Variants in DIP2C observed in about 807,000 individuals in gnomAD.
DIP2C encodes the protein DIP2 acetate--CoA ligase C (putative), also known as disco-interacting protein 2 homolog C.
A neutral mutation model predicts 192.4 loss-of-function variants in DIP2C; 33 were observed. The ratio of observed to expected loss-of-function variants is 0.17; its 90% confidence interval spans 0.13 to 0.23. The LOEUF (loss-of-function observed/expected upper bound fraction) is 0.23. Among genes scored for constraint, DIP2C ranks in the 10% least tolerant of loss-of-function variants. DIP2C has a pLI of 1.00. For missense variants in DIP2C, 1,537 were observed against 2,110.1 expected, an observed-to-expected ratio of 0.73 and a Z score of 5.32; for synonymous variants, 979 against 864.1, an observed-to-expected ratio of 1.13 and a Z score of -2.33.
At chr10:326,573 G>C (rs1203395957) in intron 31 of DIP2C, among the ~76,000 whole-genome samples, 1 of 152,204 alleles carries the variant, frequency 6.6e-6, no homozygotes, top group Non-Finnish European at 1.5e-5. Context: ...CCAGAAGTGC[G>C]GCTTTGCGGT....
At chr10:534,838 G>A (rs994274284) in intron 1 of DIP2C, among the ~76,000 whole-genome samples, 6 of 151,688 alleles carry the variant, frequency 4.0e-5, no homozygotes, top group Non-Finnish European at 8.8e-5. Flanking sequence ...CACCGCGCCC[G>A]GCTAATTTTT....
rs1554847955 is a variant in DIP2C, at chr10:414,739, G to GTATATATATA, written c.860-630_860-629insTATATATATA. ...TGTGTGTGTGTGTGTGTGTGTGTGTGTACATATATATATATATAATGTGTA... is the reference window on the plus strand; with the variant it reads ...TGTGTGTGTGTGTGTGTGTGTGTGTGTATATATATATACATATATATATATATAATGTGTA... On this transcript the variant is annotated intron_variant, in intron 7 of 36. Coordinates refer to ENST00000280886, the MANE Select transcript of DIP2C (RefSeq NM_014974.3). 7.5e-3 allele frequency among the ~76,000 whole-genome samples: 678 copies of GTATATATATA among 90,500 alleles called. 41 individuals carry two copies. The highest frequency in any genetic ancestry group is 8.5e-3 in the Non-Finnish European group (394 of 46,594). 59.4% of individuals were successfully genotyped at this position (90,500 alleles called of 152,430 possible).
intron 17 of DIP2C, among the ~76,000 whole-genome samples, chr10:371,857 AGT>A (rs1301858054): frequency 2.0e-5 from 3 of 152,236 alleles, no homozygotes; most frequent in African/African-American, 7.2e-5. Flanking sequence ...TAAACCACTC[AGT>A]GTGTGGTACT....
intron 1 of DIP2C, among the ~76,000 whole-genome samples, chr10:560,446 CACTT>C (rs928051247): frequency 2.0e-5 from 3 of 152,090 alleles, no homozygotes; most frequent in Admixed American, 6.5e-5. Context: ...GTTCTCGAGT[CACTT>C]AATGTATCAG....
intron 8 of DIP2C, among the ~76,000 whole-genome samples, chr10:409,341 G>T (rs945599887): frequency 1.3e-5 from 2 of 152,158 alleles, no homozygotes; most frequent in Non-Finnish European, 2.9e-5. Context: ...TGCACACACC[G>T]TCGTCACAGG....
At chr10:675,080 TC>T (rs1016762898) in intron 1 of DIP2C, among the ~76,000 whole-genome samples, 2 of 152,070 alleles carry the variant, frequency 1.3e-5, no homozygotes, top group African/African-American at 4.8e-5. Context: ...AAAATTGAAA[TC>T]ACATCTAGGA....
At chr10:471,945 G>C (rs958171266) in intron 3 of DIP2C, among the ~76,000 whole-genome samples, 1 of 152,118 alleles carries the variant, frequency 6.6e-6, no homozygotes, top group Non-Finnish European at 1.5e-5. Flanking sequence ...CTAAATTAAT[G>C]AAATTTCAGC....
At position 672,425 on chromosome 10, in the gene DIP2C, G is replaced by T. The variant is rs1055835911; in HGVS notation, c.85+17069C>A. Among the ~76,000 whole-genome samples, 28 of 152,278 alleles carry T rather than the reference G, an allele frequency of 1.8e-4. No homozygotes were observed. In the South Asian group the frequency reaches 1.9e-3, roughly 10 times the overall value. ...TGTCCACTCCCACTAGGGACTCCCC[G>T]CCCCAGAGCACCCAGGATGGCTGTG... is the stretch of plus-strand genomic sequence containing the variant. On this transcript the variant is annotated intron_variant, in intron 1 of 36. Transcript: ENST00000280886.
intron 1 of DIP2C, chr10:664,977 A>G (rs1176818745): frequency 5.9e-5 from 9 of 152,338 alleles, no homozygotes; most frequent in East Asian, 5.8e-4. Flanking sequence ...ACAAGAAAAT[A>G]TCTACTGAAT....
intron 1 of DIP2C, among the ~76,000 whole-genome samples, chr10:537,423 G>GT (rs1449180697): frequency 6.6e-6 from 1 of 152,188 alleles, no homozygotes; most frequent in East Asian, 1.9e-4. Context: ...GCAGACTCCG[G>GT]TTCCTTTCAA....
At chr10:332,248 T>G (rs1462214455) in intron 29 of DIP2C, among the ~76,000 whole-genome samples, 1 of 152,218 alleles carries the variant, frequency 6.6e-6, no homozygotes, top group Non-Finnish European at 1.5e-5. Flanking sequence ...TCCCTGGAAG[T>G]GGCTTCCTCA....
At chr10:495,663 T>C (rs1486363686) in intron 1 of DIP2C, among the ~76,000 whole-genome samples, 1 of 152,070 alleles carries the variant, frequency 6.6e-6, no homozygotes, top group African/African-American at 2.4e-5. Flanking sequence ...TCTGTGATGC[T>C]CAAGTCCCTG....
At chr10:477,253 G>A (rs1843105973) in intron 2 of DIP2C, among the ~76,000 whole-genome samples, 1 of 106,490 alleles carries the variant, frequency 9.4e-6, no homozygotes, top group African/African-American at 4.1e-5. Context: ...GAAAAGAATG[G>A]ATGGATAGGA....
intron 31 of DIP2C, among the ~76,000 whole-genome samples, chr10:317,649 G>C (rs890526941): frequency 6.6e-6 from 1 of 152,192 alleles, no homozygotes; most frequent in African/African-American, 2.4e-5. Flanking sequence ...AAAGCCAGGC[G>C]AACACTTGAA....
At chr10:523,015 T>TA (rs1257585507) in intron 1 of DIP2C, among the ~76,000 whole-genome samples, 1 of 150,118 alleles carries the variant, frequency 6.7e-6, no homozygotes, top group Non-Finnish European at 1.5e-5. Flanking sequence ...GTGTGACACA[T>TA]ACACTCATTT....
chr10:450,450 C>G (rs1362472354), intron 3 of DIP2C, among the ~76,000 whole-genome samples: 3 of 152,222 alleles, frequency 2.0e-5, no homozygotes, highest in Admixed American at 1.3e-4. Context: ...TCCCTTATTT[C>G]TCTCTTGGGC....
At chr10:547,757 G>C (rs1004207499) in intron 1 of DIP2C, among the ~76,000 whole-genome samples, 1 of 152,112 alleles carries the variant, frequency 6.6e-6, no homozygotes, top group African/African-American at 2.4e-5. Flanking sequence ...TCATCTCTCA[G>C]TTTATACATG....
At chr10:625,655 C>T (rs1460249823) in intron 1 of DIP2C, among the ~76,000 whole-genome samples, 1 of 152,208 alleles carries the variant, frequency 6.6e-6, no homozygotes, top group Non-Finnish European at 1.5e-5. Flanking sequence ...CGGCCTCACG[C>T]ACACTGCGCT....
At chr10:551,019 TC>T (rs1279663151) in intron 1 of DIP2C, among the ~76,000 whole-genome samples, 3 of 121,234 alleles carry the variant, frequency 2.5e-5, no homozygotes, top group African/African-American at 9.9e-5. Context: ...GGCCTCGATT[TC>T]CCCCTCTGCC....
Sources: gnomAD v4.1 joint callset for allele counts (sites outside exome capture counted in the v4.1 genomes callset) on GRCh38, gnomAD v4.1.1 for gene constraint, MANE v1.5 for transcripts, NCBI Gene and HGNC (gene_info 2026-07-23, HGNC 2026-07-21) for gene names.